Variants in ZNF395 observed in about 807,000 individuals in gnomAD.
ZNF395 encodes the protein HD gene regulatory region-binding protein 2.
Under a neutral mutation model 57.7 loss-of-function variants are expected in ZNF395, and 20 were observed. The ratio of observed to expected loss-of-function variants is 0.35; its 90% CI spans 0.24 to 0.50. The LOEUF (loss-of-function observed/expected upper bound fraction) is 0.50, where lower values mean the gene tolerates loss of function less well. Among genes scored for constraint, ZNF395 ranks in the 20% least tolerant of loss-of-function variants. The pLI is 0.97. For synonymous variants in ZNF395, 295 were observed against 275.9 expected (o/e 1.07, Z -0.69); for missense variants, 606 against 671.2 (o/e 0.90, Z 1.07).
Position 28,359,835 on chromosome 8 carries a change from A to T in ZNF395, c.241-11T>A. On this transcript the variant is annotated splice_polypyrimidine_tract_variant and intron_variant, in intron 2 of 9. Coordinates refer to ENST00000344423, the MANE Select transcript of ZNF395 (RefSeq NM_018660.3). The surrounding 1 kb of genome is among the most constrained non-coding windows in gnomAD (Gnocchi z 4.7). The stretch of plus-strand genomic sequence containing the variant: ...GTACCACACATAAACCTGTGGGAAG[A>T]GGGACAGCAGTTAGTGGTCAGCCCT... The T allele has an allele frequency of 6.2e-7, 1 of 1,610,396 alleles. No homozygotes were observed. Among genetic ancestry groups the T allele is most frequent in the South Asian group, 1.1e-5 (1 of 90,994 alleles).
At chr8:28,366,669 T>C (rs1466408024) in intron 1 of ZNF395, among the ~76,000 whole-genome samples, 1 of 152,174 alleles carries the variant, frequency 6.6e-6, no homozygotes, top group South Asian at 2.1e-4. Context: ...TGTAAGTATA[T>C]GCAAATATGT....
chr8:28,356,560 G>A lies in ZNF395; in HGVS notation c.583+110C>T. On this transcript the variant is annotated intron_variant, in intron 4 of 9. Transcript: ENST00000344423. This position sits in a 1 kb window ranked among gnomAD's most constrained non-coding sequence, Gnocchi z 4.0. ...AGAGGTGCCAGTGGGAGGTGTCCCT[G>A]GACATTCTATTGCCAGGCTGGTGAC... The A allele has an allele frequency of 4.1e-6, 3 of 728,460 alleles. No homozygotes were observed. Among genetic ancestry groups the A allele is most frequent in the Non-Finnish European group, 6.9e-6 (3 of 436,420 alleles). The allele number at this position is 728,460 out of a possible 1,614,324, so 45.1% of individuals were successfully genotyped here. A position where few individuals can be genotyped will look rare whatever the true frequency, so the allele number is the denominator to read the frequency against.
At position 28,352,579 on chromosome 8, in the gene ZNF395, T is replaced by TG; in HGVS notation, c.913dup (p.His305ProfsTer9). ...GCCCTGGGCTCGCACATACCCCAGA[T>TG]GGAGGGCTTTGACGTGTCGTTTGAT... is the stretch of plus-strand genomic sequence containing the variant. On this transcript the variant is annotated frameshift_variant, in exon 6 of 10. Transcript: ENST00000344423. LOFTEE classifies it high-confidence loss of function. The surrounding 1 kb of genome is among the most constrained non-coding windows in gnomAD (Gnocchi z 4.0). 6.2e-7 allele frequency: 1 copy of TG among 1,614,030 alleles called. No individual in the cohort carries two copies. Among genetic ancestry groups the TG allele is most frequent in the Non-Finnish European group, 8.5e-7 (1 of 1,179,954 alleles).
intron 8 of ZNF395, 125 bp from the exon 9 acceptor site, chr8:28,349,353 G>C: frequency 1.6e-6 from 1 of 621,300 alleles, no homozygotes; most frequent in African/African-American, 1.9e-5. Context: ...TTCTCAGGGA[G>C]AACACTCCAG....
At chr8:28,355,396 A>G (rs1801766736) in intron 4 of ZNF395, among the ~76,000 whole-genome samples, 1 of 152,136 alleles carries the variant, frequency 6.6e-6, no homozygotes, top group South Asian at 2.1e-4. Context: ...CACTGACTTC[A>G]GCTATAAGAT....
chr8:28,371,065 C>T (rs1801970214), intron 1 of ZNF395, among the ~76,000 whole-genome samples: 1 of 152,248 alleles, frequency 6.6e-6, no homozygotes. Flanking sequence ...ATACCATCAT[C>T]ATTCCCATTT....
chr8:28,362,445 C>T (rs113723763), intron 1 of ZNF395, among the ~76,000 whole-genome samples: 22 of 152,322 alleles, frequency 1.4e-4, no homozygotes, highest in African/African-American at 3.8e-4. Context: ...TCCCAGGTGC[C>T]GTGGGGTCAC....
chr8:28,365,144 C>T (rs1801895883), intron 1 of ZNF395, among the ~76,000 whole-genome samples: 1 of 152,230 alleles, frequency 6.6e-6, no homozygotes, highest in South Asian at 2.1e-4. Flanking sequence ...GATGCCTCGC[C>T]TGTGTTAATC....
In ZNF395 at chr8:28,351,801, T is replaced by C. The variant is rs375013978; in HGVS notation, c.927A>G (p.Thr309=). The C allele has an allele frequency of 1.9e-6, 3 of 1,542,730 alleles. No homozygotes were observed. The highest frequency in any genetic ancestry group is 2.6e-6 in the Non-Finnish European group (3 of 1,146,404). ...RHVKALHLGD[T]VDSDQFKREE... The stretch of plus-strand genomic sequence containing the variant: ...CCCGCTTGAACTGATCAGAGTCCAC[T>C]GTGTCCCTGTGTGGGAGGGAGATGC... The change falls in exon 7 of 10, where the codon ACA becomes ACG. Residue 309 remains threonine (T), a synonymous_variant. Transcript: ENST00000344423.
At chr8:28,349,254 G>A in intron 8 of ZNF395, 26 bp from the exon 9 acceptor site, 1 of 1,500,276 alleles carries the variant, frequency 6.7e-7, no homozygotes, top group Non-Finnish European at 8.9e-7. Flanking sequence ...GGGGCTGTGA[G>A]CACAGGGACA....
intron 6 of ZNF395, 143 bp from the exon 7 acceptor site, chr8:28,351,950 C>T (rs893571583): frequency 6.7e-6 from 6 of 890,738 alleles, no homozygotes; most frequent in Non-Finnish European, 1.0e-5. Flanking sequence ...AGGTGCCTCG[C>T]TCCTGACGGG....
At chr8:28,378,996 C>T (rs1489241196) in intron 1 of ZNF395, among the ~76,000 whole-genome samples, 2 of 152,346 alleles carry the variant, frequency 1.3e-5, no homozygotes, top group South Asian at 2.1e-4. Context: ...GATCATTCTA[C>T]AGACAAGGAA....
rs1484332909 is a variant in ZNF395 at position 28,352,466 on chromosome 8, C to A, written c.920+107G>T. 2.2e-6 allele frequency: 2 copies of A among 926,048 alleles called. No individual in the cohort carries two copies. Among genetic ancestry groups the A allele is most frequent in the African/African-American group, 1.6e-5 (1 of 61,326 alleles). 57.4% of individuals were successfully genotyped at this position (926,048 alleles called of 1,614,324 possible). A position where few individuals can be genotyped will look rare whatever the true frequency, so the allele number is the denominator to read the frequency against. ...AAGAGACACCAGGGGGTGTTCCCAG[C>A]AAGCCACGTTCCTGAAAGCACTGTG... On this transcript the variant is annotated intron_variant, in intron 6 of 9. Coordinates refer to ENST00000344423, the MANE Select transcript of ZNF395 (RefSeq NM_018660.3). The surrounding 1 kb of genome is among the most constrained non-coding windows in gnomAD (Gnocchi z 4.0).
At chr8:28,355,041 A>AT (rs1210147718) in intron 4 of ZNF395, among the ~76,000 whole-genome samples, 2 of 152,152 alleles carry the variant, frequency 1.3e-5, no homozygotes, top group African/African-American at 4.8e-5. Flanking sequence ...AACGTTATCT[A>AT]TAAGTTATAA....
chr8:28,383,515 A>ACCGTTCTAACCTCCAATCCACCCTC (rs1413157479), intron 1 of ZNF395, among the ~76,000 whole-genome samples: 1 of 152,036 alleles, frequency 6.6e-6, no homozygotes, highest in African/African-American at 2.4e-5. Context: ...CCCATTCTAC[A>ACCGTTCTAACCTCCAATCCACCCTC]CCGTTCTAAC....
chr8:28,348,842 G>A lies in ZNF395; in HGVS notation c.1431-12C>T, dbSNP rs755212970. 13 of 1,613,498 alleles carry A rather than the reference G, an allele frequency of 8.1e-6. No homozygotes were observed. The highest frequency in any genetic ancestry group is 1.1e-5 in the South Asian group (1 of 91,078). ...CCCCTCGGGCTTTCCTGCAGAAAGA[G>A]AGGAATGCAAATCGAGCCCCACACA... On this transcript the variant is annotated splice_polypyrimidine_tract_variant and intron_variant, in intron 9 of 9. Coordinates refer to ENST00000344423, the MANE Select transcript of ZNF395 (RefSeq NM_018660.3).
chr8:28,366,067 A>T (rs1407069416), intron 1 of ZNF395, among the ~76,000 whole-genome samples: 2 of 152,202 alleles, frequency 1.3e-5, no homozygotes, highest in African/African-American at 4.8e-5. Context: ...ACAAGTCATA[A>T]GTCAAAGTGA....
At chr8:28,381,395 C>G (rs992457920) in intron 1 of ZNF395, among the ~76,000 whole-genome samples, 10 of 152,058 alleles carry the variant, frequency 6.6e-5, no homozygotes, top group Non-Finnish European at 1.3e-4. Flanking sequence ...GTTGCCCAGG[C>G]TGGTCTCAAA....
rs185253982 is a variant in ZNF395, at chr8:28,352,081, G to A, written c.921-274C>T. Among the ~76,000 whole-genome samples, 82 of 152,290 alleles carry A rather than the reference G, an allele frequency of 5.4e-4. 1 individual carries two copies. Among genetic ancestry groups the A allele is most frequent in the South Asian group, 2.5e-3 (12 of 4,826 alleles). On this transcript the variant is annotated intron_variant, in intron 6 of 9. Coordinates refer to ENST00000344423, the MANE Select transcript of ZNF395 (RefSeq NM_018660.3). This position sits in a 1 kb window ranked among gnomAD's most constrained non-coding sequence, Gnocchi z 4.0. ...GCAGGAGGCATCCCACACTGAGCAC[G>A]ACCACGAGCCCTCTCTGGGCCCCAC... is the stretch of plus-strand genomic sequence containing the variant.
Sources: gnomAD v4.1 joint callset for allele counts (sites outside exome capture counted in the v4.1 genomes callset) on GRCh38, gnomAD v4.1.1 for gene constraint, Gnocchi (gnomAD v3.1) non-coding constraint, MANE v1.5 for transcripts, NCBI Gene and HGNC (gene_info 2026-07-23, HGNC 2026-07-21) for gene names.